Variants in ITIH5 observed in about 807,000 individuals in gnomAD.
ITIH5 encodes the protein inter-alpha-trypsin inhibitor heavy chain H5.
In ITIH5, 65 loss-of-function variants were observed where a neutral mutation model predicts 77.5. The observed-to-expected ratio is 0.84, with a 90% CI of 0.69 to 1.03. The LOEUF is 1.03. Ranked by LOEUF, ITIH5 falls within the 50% of genes least tolerant of loss-of-function variation. ITIH5 has a pLI of 0.00. For missense variants in ITIH5, 1,208 were observed against 1,213.1 expected (o/e 1.00, Z 0.06); for synonymous variants, 525 against 494.3 (o/e 1.06, Z -0.82).
At chr10:7,584,840 A>G (rs1266691226) in intron 8 of ITIH5, among the ~76,000 whole-genome samples, 1 of 152,166 alleles carries the variant, frequency 6.6e-6, no homozygotes, top group Non-Finnish European at 1.5e-5. Context: ...CATCACTATC[A>G]TATTAAATCT....
chr10:7,585,918 T>C lies in ITIH5; in HGVS notation c.1091A>G (p.His364Arg), dbSNP rs192890948. 133 of 1,612,882 alleles carry C rather than the reference T, an allele frequency of 8.2e-5. 1 individual carries two copies. The Admixed American group carries it at 1.7e-3, about 20-fold the overall frequency. The change falls in exon 8 of 14, where the codon CAT becomes CGT. Residue 364 changes from histidine (H) to arginine (R), a missense_variant. By Grantham distance (29) the His-to-Arg change is conservative. Transcript: ENST00000397146. ...SIRDGKVYIH[H>R]MSPTGGTDIN... ...ATCTTTACCTCCAGTGGGTGACATA[T>C]GGTGAATGTACACTTTCCCATCCCT...
rs1182852157 is a variant in ITIH5, at chr10:7,563,014, A to G, written c.*69T>C. 7.1e-7 allele frequency: 1 copy of G among 1,416,166 alleles called. No homozygotes were observed. Among genetic ancestry groups the G allele is most frequent in the Admixed American group, 1.7e-5 (1 of 59,404 alleles). 87.7% of individuals were successfully genotyped at this position (1,416,166 alleles called of 1,614,324 possible). ...GGAGCTGAGGCGTGTACAAGCCATG[A>G]AAAGAGCTGCCCCACGGCCTCCCCA... On this transcript the variant is annotated 3_prime_UTR_variant, in exon 14 of 14. Coordinates refer to ENST00000397146, the MANE Select transcript of ITIH5 (RefSeq NM_030569.7).
rs745609090 is a variant in ITIH5 at position 7,561,787 on chromosome 10, C to T, written c.*1296G>A. ...CGGGGGCTGCTCTGGTGTCAAGCCC[C>T]GTGGAAGAAGCCTCTTGTGAGGCCA... On this transcript the variant is annotated 3_prime_UTR_variant, in exon 14 of 14. Transcript: ENST00000397146. The T allele has an allele frequency of 6.6e-6, 1 of 152,212 alleles. No homozygotes were observed. Among genetic ancestry groups the T allele is most frequent in the Non-Finnish European group, 1.5e-5 (1 of 68,058 alleles). 9.4% of individuals were successfully genotyped at this position (152,212 alleles called of 1,614,324 possible).
At position 7,579,738 on chromosome 10, in the gene ITIH5, G is replaced by A. The variant is rs777610437; in HGVS notation, c.1418+17C>T. 15 of 1,609,002 alleles carry A rather than the reference G, an allele frequency of 9.3e-6. No homozygotes were observed. The highest frequency in any genetic ancestry group is 3.3e-5 in the South Asian group (3 of 91,008). ...CCCTCAAACAGCCTCTCATGCCTAC[G>A]AAGACAGACCACAGACCCGATGAGC... On this transcript the variant is annotated intron_variant, in intron 9 of 13. Coordinates refer to ENST00000397146, the MANE Select transcript of ITIH5 (RefSeq NM_030569.7).
chr10:7,597,680 G>A (rs764419319), intron 7 of ITIH5, among the ~76,000 whole-genome samples: 15 of 151,984 alleles, frequency 9.9e-5, no homozygotes, highest in South Asian at 4.2e-4. Context: ...TTGGAGTCAC[G>A]GTCATGGCTG....
At position 7,644,674 on chromosome 10, in the gene ITIH5, A is replaced by G. The variant is rs1309168458; in HGVS notation, c.136-2584T>C. Reference sequence around the variant, plus strand: ...ATATCACATATATATCATATATATCACATATATATCATATATATCACATAT... The same window carrying G: ...ATATCACATATATATCATATATATCGCATATATATCATATATATCACATAT... On this transcript the variant is annotated intron_variant, in intron 2 of 13. Coordinates refer to ENST00000397146, the MANE Select transcript of ITIH5 (RefSeq NM_030569.7). Among the ~76,000 whole-genome samples, 70 of 138,660 alleles carry G rather than the reference A, an allele frequency of 5.0e-4. 1 individual carries two copies. Among genetic ancestry groups the G allele is most frequent in the African/African-American group, 1.8e-3 (67 of 37,340 alleles). 91.0% of individuals were successfully genotyped at this position (138,660 alleles called of 152,430 possible).
intron 5 of ITIH5, among the ~76,000 whole-genome samples, chr10:7,627,827 C>CTTTTTTTTTTTTTTTTTTT (rs869139058): frequency 1.1e-5 from 1 of 90,804 alleles, no homozygotes; most frequent in Non-Finnish European, 2.0e-5. Context: ...TGAAATTAAC[C>CTTTTTTTTTTTTTTTTTTT]TTTTTTTTTT....
chr10:7,632,181 A>G (rs1314637088), intron 5 of ITIH5, among the ~76,000 whole-genome samples: 3 of 152,220 alleles, frequency 2.0e-5, no homozygotes, highest in Non-Finnish European at 2.9e-5. Flanking sequence ...GGAAAATCCA[A>G]GGGAATAGAT....
rs753917940 is a variant in ITIH5 at position 7,579,719 on chromosome 10, A to G, written c.1418+36T>C. On this transcript the variant is annotated intron_variant, in intron 9 of 13. Coordinates refer to ENST00000397146, the MANE Select transcript of ITIH5 (RefSeq NM_030569.7). ...ACCGCAGCCACCCCTCAGCCCCTCA[A>G]ACAGCCTCTCATGCCTACGAAGACA... 3 of 1,598,870 alleles carry G rather than the reference A, an allele frequency of 1.9e-6. No homozygotes were observed. In the South Asian group the frequency reaches 3.3e-5, roughly 18 times the overall value.
rs560482680 is a variant in ITIH5 at position 7,566,332 on chromosome 10, C to T, written c.2225G>A (p.Arg742His). 2.6e-5 allele frequency: 42 copies of T among 1,613,048 alleles called. No homozygotes were observed. Among genetic ancestry groups the T allele is most frequent in the African/African-American group, 9.3e-5 (7 of 74,968 alleles). Residue 742 changes from arginine to histidine, a missense_variant, in exon 13 of 14, where the codon CGC (arginine) becomes CAC (histidine). Arg to His is a conservative substitution (Grantham distance 29). Transcript: ENST00000397146. ...CTTGTTGATGAGGATGGTGATAGTG[C>T]GCAAGTAAGTGCGCTGTTTCTTGTG... ...NGHKKQRTYL[R>H]TITILINKPE...
chr10:7,638,399 A>G (rs1007100117), intron 4 of ITIH5, among the ~76,000 whole-genome samples: 2 of 152,214 alleles, frequency 1.3e-5, no homozygotes, highest in African/African-American at 4.8e-5. Flanking sequence ...AGAGACTGAC[A>G]CCGAAACCCG....
intron 1 of ITIH5, among the ~76,000 whole-genome samples, chr10:7,656,775 G>A (rs6602258): frequency 0.79 from 112,822 of 143,098 alleles, 44,706 homozygotes; most frequent in African/African-American, 0.89. Context: ...AGACGGTCTC[G>A]CTCTGTTGCC....
intron 1 of ITIH5, among the ~76,000 whole-genome samples, chr10:7,659,240 G>A (rs1036574707): frequency 7.2e-5 from 11 of 151,900 alleles, no homozygotes; most frequent in Admixed American, 1.3e-4. Context: ...TTAGCTGGGC[G>A]TCGTGGCACA....
intron 4 of ITIH5, among the ~76,000 whole-genome samples, chr10:7,638,887 T>C (rs1833841084): frequency 6.6e-6 from 1 of 152,252 alleles, no homozygotes; most frequent in African/African-American, 2.4e-5. Context: ...GATAAGGATG[T>C]CACTGCTTGC....
At chr10:7,664,239 A>C (rs558773989) in intron 1 of ITIH5, among the ~76,000 whole-genome samples, 1 of 152,032 alleles carries the variant, frequency 6.6e-6, no homozygotes, top group East Asian at 1.9e-4. Context: ...GTCTCTATTA[A>C]AAATACAAAA....
chr10:7,587,606 A>G (rs1054962350), intron 7 of ITIH5, among the ~76,000 whole-genome samples: 1 of 152,192 alleles, frequency 6.6e-6, no homozygotes, highest in South Asian at 2.1e-4. Context: ...TCAGGACAGT[A>G]ATAGTACCTG....
At chr10:7,582,892 G>C (rs879446235) in intron 8 of ITIH5, among the ~76,000 whole-genome samples, 4 of 152,124 alleles carry the variant, frequency 2.6e-5, no homozygotes, top group Non-Finnish European at 5.9e-5. Flanking sequence ...GGTACAAAAA[G>C]AAGTTAGAAA....
chr10:7,583,581 G>A (rs534197344), intron 8 of ITIH5, among the ~76,000 whole-genome samples: 42 of 152,230 alleles, frequency 2.8e-4, no homozygotes, highest in African/African-American at 9.9e-4. Flanking sequence ...CAATCCACCC[G>A]CCTTGGCCTC....
intron 12 of ITIH5, 94 bp from the exon 13 acceptor site, chr10:7,566,501 G>A: frequency 7.7e-7 from 1 of 1,293,684 alleles, no homozygotes; most frequent in Non-Finnish European, 1.1e-6. Flanking sequence ...GCCAGGGCAG[G>A]TGGATTGCCT....
Sources: allele counts gnomAD v4.1 joint callset (sites outside exome capture counted in the v4.1 genomes callset), GRCh38; gene constraint gnomAD v4.1.1; transcripts MANE v1.5; gene names NCBI Gene and HGNC (gene_info 2026-07-23, HGNC 2026-07-21).